UNC5A: variants seen among roughly 807,000 people sequenced by gnomAD.
The protein encoded by UNC5A is netrin receptor UNC5A.
In UNC5A, 20 loss-of-function variants were observed where a neutral mutation model predicts 87.4. The ratio of observed to expected loss-of-function variants is 0.23; its 90% confidence interval spans 0.16 to 0.33. UNC5A has a LOEUF of 0.33. UNC5A is among the 10% of genes least tolerant of loss of function. The probability of loss-of-function intolerance (pLI) is 1.00; values close to 1 mark genes in which losing one functional copy is unlikely to be tolerated. For synonymous variants in UNC5A, 438 were observed against 482.3 expected (o/e 0.91, Z 1.20); for missense variants, 844 against 1,133.4 (o/e 0.74, Z 3.67).
rs970871525 is a variant in UNC5A at position 176,838,138 on chromosome 5, G to T, written c.71-24486G>T. Among the ~76,000 whole-genome samples, 1 of 152,184 alleles carries T rather than the reference G, an allele frequency of 6.6e-6. No homozygotes were observed. The highest frequency in any genetic ancestry group is 1.5e-5 in the Non-Finnish European group (1 of 68,030). On this transcript the variant is annotated intron_variant, in intron 1 of 14. Transcript: ENST00000329542. This position sits in a 1 kb window ranked among gnomAD's most constrained non-coding sequence, Gnocchi z 4.2. Reference sequence around the variant, plus strand: ...CGTTCCAGGCAAAGTGGCCCTGCAGGTCATGAAGTGTGAACAATTTATTAT... The same window carrying T: ...CGTTCCAGGCAAAGTGGCCCTGCAGTTCATGAAGTGTGAACAATTTATTAT...
intron 1 of UNC5A, among the ~76,000 whole-genome samples, chr5:176,814,927 G>A (rs1025615075): frequency 2.0e-5 from 3 of 152,140 alleles, no homozygotes; most frequent in African/African-American, 4.8e-5. Flanking sequence ...CCCTGAACAC[G>A]GACTGCCATG....
rs114486125 is a variant in UNC5A at position 176,849,744 on chromosome 5, C to T, written c.71-12880C>T. On this transcript the variant is annotated intron_variant, in intron 1 of 14. Transcript: ENST00000329542. ...GAGAGGGAAGTGGCTTGCCCAAGGC[C>T]ACGTGGCCAGGTGGAGGCAGAGTGG... 7.7e-3 allele frequency among the ~76,000 whole-genome samples: 1,180 copies of T among 152,282 alleles called. 9 individuals carry two copies. Among genetic ancestry groups the T allele is most frequent in the Non-Finnish European group, 0.012 (806 of 68,030 alleles).
At chr5:176,868,382 C>T in intron 3 of UNC5A, 109 bp downstream of exon 3, 1 of 1,543,180 alleles carries the variant, frequency 6.5e-7, no homozygotes, top group Non-Finnish European at 8.9e-7. Flanking sequence ...AACCTCACAG[C>T]CCTGCCTGGA....
chr5:176,823,160 T>C (rs1487182096), intron 1 of UNC5A, among the ~76,000 whole-genome samples: 27 of 101,818 alleles, frequency 2.7e-4, no homozygotes, highest in Non-Finnish European at 4.1e-4. Context: ...AGATGTTGCA[T>C]CTGGATGCTG....
Position 176,848,801 on chromosome 5 carries a change from G to A in UNC5A, c.71-13823G>A, listed in dbSNP as rs753907089. 5.9e-5 allele frequency among the ~76,000 whole-genome samples: 9 copies of A among 152,194 alleles called. No homozygotes were observed. Among genetic ancestry groups the A allele is most frequent in the Non-Finnish European group, 1.2e-4 (8 of 68,034 alleles). On this transcript the variant is annotated intron_variant, in intron 1 of 14. Transcript: ENST00000329542. This position sits in a 1 kb window ranked among gnomAD's most constrained non-coding sequence, Gnocchi z 5.8. The stretch of plus-strand genomic sequence containing the variant: ...CCACGGGCACACAAGATGGGCAGCC[G>A]CGGCCTGGGCCCTGCGCGTCTCGGG...
Position 176,851,673 on chromosome 5 carries a change from G to A in UNC5A, c.71-10951G>A, listed in dbSNP as rs536744904. On this transcript the variant is annotated intron_variant, in intron 1 of 14. Transcript: ENST00000329542. ...TGTGCACCCCCCTCGGGTGGCCCCC[G>A]GAGAGGGGAGGGGAGCATGGGGGCA... Among the ~76,000 whole-genome samples, 17 of 152,306 alleles carry A rather than the reference G, an allele frequency of 1.1e-4. No individual in the cohort carries two copies. In the South Asian group the frequency reaches 1.5e-3, roughly 13 times the overall value.
At chr5:176,855,981 G>A (rs1034702224) in intron 1 of UNC5A, among the ~76,000 whole-genome samples, 2 of 152,106 alleles carry the variant, frequency 1.3e-5, no homozygotes, top group African/African-American at 4.8e-5. Context: ...GGCGGACGGC[G>A]CCCGCCACCA....
At position 176,877,882 on chromosome 5, in the gene UNC5A, C is replaced by A. The variant is rs1444138299; in HGVS notation, c.1636-12C>A. On this transcript the variant is annotated splice_polypyrimidine_tract_variant and intron_variant, in intron 10 of 14. Transcript: ENST00000329542. The stretch of plus-strand genomic sequence containing the variant: ...GGCTGGGCCGAATTGACCCACTGAC[C>A]CCTGCCCACAGGATGTGCTGCACCT... 9 of 1,595,304 alleles carry A rather than the reference C, an allele frequency of 5.6e-6. No homozygotes were observed. The highest frequency in any genetic ancestry group is 1.7e-4 in the Middle Eastern group (1 of 5,974).
chr5:176,862,766 G>T lies in UNC5A; in HGVS notation c.213G>T (p.Thr71=), dbSNP rs748167811. The T allele has an allele frequency of 6.2e-7, 1 of 1,613,524 alleles. No homozygotes were observed. Among genetic ancestry groups the T allele is most frequent in the Admixed American group, 1.7e-5 (1 of 60,010 alleles). Reference sequence around the variant, plus strand: ...TTGTGTGCAAGGCCGTGCCCGCCACGCAGATCTTCTTCAAGTGCAACGGGG... The same window carrying T: ...TTGTGTGCAAGGCCGTGCCCGCCACTCAGATCTTCTTCAAGTGCAACGGGG... The part of the protein sequence containing the change: ...VLLVCKAVPA[T]QIFFKCNGEW... Residue 71 remains threonine (T), a synonymous_variant, in exon 2 of 15, where the codon ACG becomes ACT. Transcript: ENST00000329542.
chr5:176,856,096 C>T (rs1258200565), intron 1 of UNC5A, among the ~76,000 whole-genome samples: 2 of 152,254 alleles, frequency 1.3e-5, no homozygotes, highest in African/African-American at 2.4e-5. Context: ...TACCCCTCCC[C>T]TGCCCCCAGG....
Position 176,880,627 on chromosome 5 carries a change from CT to C in UNC5A, c.*743del. 1 of 159,518 alleles carries C rather than the reference CT, an allele frequency of 6.3e-6. No homozygotes were observed. The highest frequency in any genetic ancestry group is 1.4e-5 in the Non-Finnish European group (1 of 72,702). The allele number at this position is 159,518 out of a possible 1,614,324, so 9.9% of individuals were successfully genotyped here. Reference sequence around the variant, plus strand: ...TCCCTGCCCCTGCCCCTCCCCCAGCCTTGAGGTGCCCTGCCCGGCGGGGCCT... The same window carrying C: ...TCCCTGCCCCTGCCCCTCCCCCAGCCTGAGGTGCCCTGCCCGGCGGGGCCT... On this transcript the variant is annotated 3_prime_UTR_variant, in exon 15 of 15. Coordinates refer to ENST00000329542, the MANE Select transcript of UNC5A (RefSeq NM_133369.3).
At chr5:176,813,008 C>T (rs1307888715) in intron 1 of UNC5A, among the ~76,000 whole-genome samples, 1 of 152,194 alleles carries the variant, frequency 6.6e-6, no homozygotes, top group Non-Finnish European at 1.5e-5. Flanking sequence ...CAGCAGGGGG[C>T]GCCGGGGGCC....
At chr5:176,829,705 A>G (rs2113603195) in intron 1 of UNC5A, among the ~76,000 whole-genome samples, 1 of 152,156 alleles carries the variant, frequency 6.6e-6, no homozygotes, top group East Asian at 1.9e-4. Flanking sequence ...CACGGGGCAC[A>G]GAAGACTCCC....
At chr5:176,845,680 C>T (rs1457764937) in intron 1 of UNC5A, among the ~76,000 whole-genome samples, 2 of 152,234 alleles carry the variant, frequency 1.3e-5, no homozygotes, top group African/African-American at 4.8e-5. Context: ...CCTGGAGCTT[C>T]CCCTCTAGTT....
At chr5:176,831,885 CTTTTTTTT>C (rs10580672) in intron 1 of UNC5A, among the ~76,000 whole-genome samples, 4 of 27,698 alleles carry the variant, frequency 1.4e-4, no homozygotes, top group African/African-American at 2.4e-4. Context: ...TTCTCTCTCT[CTTTTTTTT>C]TTTTTTTTTT....
At chr5:176,839,376 G>A (rs998742249) in intron 1 of UNC5A, among the ~76,000 whole-genome samples, 3 of 152,362 alleles carry the variant, frequency 2.0e-5, no homozygotes, top group South Asian at 2.1e-4. Flanking sequence ...TCCCTGATCC[G>A]CAGGCAGTGA....
At chr5:176,850,351 C>T (rs1757513607) in intron 1 of UNC5A, among the ~76,000 whole-genome samples, 2 of 152,124 alleles carry the variant, frequency 1.3e-5, no homozygotes, top group Non-Finnish European at 2.9e-5. Context: ...ATCGGATTCT[C>T]TTTCTAGAAA....
At chr5:176,867,885 G>A (rs1318198495) in intron 2 of UNC5A, among the ~76,000 whole-genome samples, 1 of 152,054 alleles carries the variant, frequency 6.6e-6, no homozygotes, top group Non-Finnish European at 1.5e-5. Context: ...TGAATGGAAG[G>A]TCTACCCTGC....
At chr5:176,819,936 G>A (rs1440852562) in intron 1 of UNC5A, among the ~76,000 whole-genome samples, 1 of 152,248 alleles carries the variant, frequency 6.6e-6, no homozygotes, top group African/African-American at 2.4e-5. Context: ...GCGGGATCTG[G>A]ATCAACACTA....
Sources: allele counts gnomAD v4.1 joint callset (sites outside exome capture counted in the v4.1 genomes callset), GRCh38; gene constraint gnomAD v4.1.1; non-coding constraint Gnocchi (gnomAD v3.1); transcripts MANE v1.5; gene names NCBI Gene and HGNC (gene_info 2026-07-23, HGNC 2026-07-21).